NXPE3: variants seen among roughly 807,000 people sequenced by gnomAD.
NXPE3 encodes NXPE family member 3.
NXPE3 carries 26 observed loss-of-function variants against 46.1 expected under a neutral mutation model. That is an observed-to-expected ratio of 0.56 (90% CI 0.41 to 0.78). The LOEUF is 0.78. Ranked by LOEUF, NXPE3 falls within the 30% of genes least tolerant of loss-of-function variation. The pLI is 0.00. For missense variants in NXPE3, 620 were observed against 686.0 expected (o/e 0.90, Z 1.07); for synonymous variants, 272 against 257.9 (o/e 1.05, Z -0.52).
chr3:101,817,508 C>T (rs1326338071), intron 7 of NXPE3, among the ~76,000 whole-genome samples: 2 of 152,180 alleles, frequency 1.3e-5, no homozygotes, highest in Non-Finnish European at 2.9e-5. Context: ...TTGGGCCTAC[C>T]ATTGGTGTGA....
intron 4 of NXPE3, among the ~76,000 whole-genome samples, chr3:101,788,548 TA>T (rs921008851): frequency 1.3e-5 from 2 of 152,206 alleles, no homozygotes; most frequent in Non-Finnish European, 2.9e-5. Context: ...TGTTATCCTT[TA>T]AAAAAATTGT....
At chr3:101,819,346 C>T (rs1942143854) in intron 7 of NXPE3, among the ~76,000 whole-genome samples, 1 of 152,140 alleles carries the variant, frequency 6.6e-6, no homozygotes, top group African/African-American at 2.4e-5. Context: ...CAAGGACTGC[C>T]ACTGATTCCT....
intron 4 of NXPE3, among the ~76,000 whole-genome samples, chr3:101,786,451 G>A (rs1940179726): frequency 6.6e-6 from 1 of 152,188 alleles, no homozygotes; most frequent in Non-Finnish European, 1.5e-5. Context: ...CAACTTTGTG[G>A]TTTTTAGCAG....
chr3:101,814,708 G>A (rs768044392), intron 6 of NXPE3, among the ~76,000 whole-genome samples: 7 of 152,060 alleles, frequency 4.6e-5, no homozygotes, highest in Non-Finnish European at 1.0e-4. Context: ...TAAAGGTTGT[G>A]TAAGAAAATG....
intron 4 of NXPE3, among the ~76,000 whole-genome samples, chr3:101,791,881 C>T (rs1576736957): frequency 1.3e-5 from 2 of 152,190 alleles, no homozygotes; most frequent in African/African-American, 4.8e-5. Context: ...TTTCCACAAT[C>T]GTTGAACTAA....
chr3:101,824,945 C>G lies in NXPE3; in HGVS notation c.*2991C>G, dbSNP rs1942427078. ...TATTTTTTGATTTGGTGACATAGCT[C>G]TCAAAGATTTGGTGACACAGCTTCT... On this transcript the variant is annotated 3_prime_UTR_variant, in exon 8 of 8. Coordinates refer to ENST00000273347, the MANE Select transcript of NXPE3 (RefSeq NM_145037.4). 6.6e-6 allele frequency: 1 copy of G among 152,134 alleles called. No homozygotes were observed. Among genetic ancestry groups the G allele is most frequent in the African/African-American group, 2.4e-5 (1 of 41,416 alleles). 9.4% of individuals were successfully genotyped at this position (152,134 alleles called of 1,614,324 possible). A position where few individuals can be genotyped will look rare whatever the true frequency, so the allele number is the denominator to read the frequency against.
chr3:101,810,591 A>T (rs1209107918), intron 6 of NXPE3, among the ~76,000 whole-genome samples: 2 of 152,220 alleles, frequency 1.3e-5, no homozygotes, highest in Non-Finnish European at 2.9e-5. Flanking sequence ...TAAGCCCTTA[A>T]CAGGGGCCAT....
chr3:101,789,286 G>A (rs1940367040), intron 4 of NXPE3, among the ~76,000 whole-genome samples: 1 of 152,204 alleles, frequency 6.6e-6, no homozygotes, highest in South Asian at 2.1e-4. Flanking sequence ...GCTTAGGCCT[G>A]TAATCCCAGC....
At chr3:101,818,695 C>T (rs1358533685) in intron 7 of NXPE3, among the ~76,000 whole-genome samples, 1 of 110,810 alleles carries the variant, frequency 9.0e-6, no homozygotes, top group African/African-American at 3.4e-5. Flanking sequence ...CTACTTTAAC[C>T]CTTAAGAATA....
intron 4 of NXPE3, among the ~76,000 whole-genome samples, chr3:101,790,948 A>T (rs1302360260): frequency 6.6e-6 from 1 of 151,798 alleles, no homozygotes; most frequent in Non-Finnish European, 1.5e-5. Flanking sequence ...ATTGAATTGT[A>T]TTTTTTTTAA....
chr3:101,800,422 A>T (rs1210071200), intron 4 of NXPE3, among the ~76,000 whole-genome samples: 1 of 152,172 alleles, frequency 6.6e-6, no homozygotes, highest in Non-Finnish European at 1.5e-5. Flanking sequence ...ATTTTAAAAA[A>T]TTTTTAAGGT....
chr3:101,782,465 A>G (rs1476226078), intron 2 of NXPE3, among the ~76,000 whole-genome samples, 175 bp downstream of exon 2: 1 of 151,894 alleles, frequency 6.6e-6, no homozygotes, highest in Non-Finnish European at 1.5e-5. Context: ...AAAACCTGTT[A>G]CAGTTTTTTT....
Position 101,826,690 on chromosome 3 carries a change from C to T in NXPE3, c.*4736C>T, listed in dbSNP as rs904572760. On this transcript the variant is annotated 3_prime_UTR_variant, in exon 8 of 8. Coordinates refer to ENST00000273347, the MANE Select transcript of NXPE3 (RefSeq NM_145037.4). ...TAGGAGAGCAGAAAATGTACTCCAC[C>T]ACCTTCTGTCTAACTTGTCTCTTAA... The T allele has an allele frequency of 1.2e-4, 19 of 152,186 alleles. No homozygotes were observed. Among genetic ancestry groups the T allele is most frequent in the African/African-American group, 4.6e-4 (19 of 41,444 alleles). The allele number at this position is 152,186 out of a possible 1,614,324, so 9.4% of individuals were successfully genotyped here.
chr3:101,807,781 G>C (rs911718752), intron 6 of NXPE3, among the ~76,000 whole-genome samples: 4 of 151,990 alleles, frequency 2.6e-5, no homozygotes, highest in Non-Finnish European at 5.9e-5. Context: ...TCAAAATCTA[G>C]TTATTTAATC....
intron 6 of NXPE3, among the ~76,000 whole-genome samples, chr3:101,813,175 T>C (rs944537101): frequency 3.9e-5 from 6 of 152,198 alleles, no homozygotes; most frequent in Non-Finnish European, 7.4e-5. Context: ...AAGCTTCCTA[T>C]GCTCATGGCA....
chr3:101,812,137 G>T (rs1941740530), intron 6 of NXPE3, among the ~76,000 whole-genome samples: 1 of 152,154 alleles, frequency 6.6e-6, no homozygotes, highest in Admixed American at 6.5e-5. Flanking sequence ...TTTTGTGGAT[G>T]AGACCTCATC....
chr3:101,804,048 A>G (rs1941296179), intron 5 of NXPE3, among the ~76,000 whole-genome samples: 1 of 152,254 alleles, frequency 6.6e-6, no homozygotes, highest in African/African-American at 2.4e-5. Context: ...TGGAGTATCC[A>G]TTGCCTAAAG....
chr3:101,817,560 G>T (rs1283567312), intron 7 of NXPE3, among the ~76,000 whole-genome samples: 2 of 152,178 alleles, frequency 1.3e-5, no homozygotes, highest in Admixed American at 6.5e-5. Context: ...GTCTGGGTAA[G>T]TTCCAGCATT....
At chr3:101,797,861 T>C (rs1182145016) in intron 4 of NXPE3, among the ~76,000 whole-genome samples, 27 of 44,376 alleles carry the variant, frequency 6.1e-4, no homozygotes, top group African/African-American at 2.4e-3. Context: ...TCTTTGCTAT[T>C]GTGAATAATG....
Sources: gnomAD v4.1 joint callset for allele counts (sites outside exome capture counted in the v4.1 genomes callset) on GRCh38, gnomAD v4.1.1 for gene constraint, MANE v1.5 for transcripts, NCBI Gene and HGNC (gene_info 2026-07-23, HGNC 2026-07-21) for gene names.